Variants in CDK13 observed in about 807,000 individuals in gnomAD.
The protein encoded by CDK13 is cyclin-dependent kinase 13.
In CDK13, 40 loss-of-function variants were observed where a neutral mutation model predicts 137.6. The observed-to-expected ratio is 0.29, with a 90% CI of 0.23 to 0.38. The LOEUF is 0.38. Among genes scored for constraint, CDK13 ranks in the 10% least tolerant of loss-of-function variants. The pLI is 1.00. For missense variants in CDK13, 1,704 were observed against 1,951.8 expected, an observed-to-expected ratio of 0.87 and a Z score of 2.39; for synonymous variants, 869 against 760.1, an observed-to-expected ratio of 1.14 and a Z score of -2.36.
At chr7:40,089,359 G>C (rs1478032261) in intron 12 of CDK13, among the ~76,000 whole-genome samples, 2 of 149,488 alleles carry the variant, frequency 1.3e-5, no homozygotes, top group South Asian at 2.1e-4. Flanking sequence ...ATAATTGCTT[G>C]AACCCAGGAG....
chr7:40,079,536 T>C (rs1273370746), intron 11 of CDK13, among the ~76,000 whole-genome samples: 1 of 152,246 alleles, frequency 6.6e-6, no homozygotes, highest in Admixed American at 6.5e-5. Context: ...GCATTTTTCA[T>C]TTATTACATT....
At chr7:39,979,973 C>G (rs897501342) in intron 1 of CDK13, among the ~76,000 whole-genome samples, 1 of 152,148 alleles carries the variant, frequency 6.6e-6, no homozygotes, top group Non-Finnish European at 1.5e-5. Context: ...CCAAGAGACT[C>G]CAGAAGGAAC....
chr7:39,976,317 T>A (rs1196594890), intron 1 of CDK13, among the ~76,000 whole-genome samples: 284 of 63,736 alleles, frequency 4.5e-3, no homozygotes, highest in Non-Finnish European at 7.9e-3. Flanking sequence ...TCTCTCTCTC[T>A]CTCTCTCACA....
chr7:40,085,922 G>GA (rs1786776640), intron 11 of CDK13, among the ~76,000 whole-genome samples: 1 of 152,026 alleles, frequency 6.6e-6, no homozygotes, highest in East Asian at 1.9e-4. Flanking sequence ...CTAGAATGCT[G>GA]AAAATAACAT....
rs146525205 is a variant in CDK13, at chr7:39,958,270, G to C, written c.1211+6418G>C. 4.3e-3 allele frequency among the ~76,000 whole-genome samples: 649 copies of C among 152,176 alleles called. 4 individuals are homozygous for C. The highest frequency in any genetic ancestry group is 0.014 in the African/African-American group (599 of 41,534). On this transcript the variant is annotated intron_variant, in intron 1 of 13. Transcript: ENST00000181839. ...AGTTGCATAGGGGCACTTTCACTGG[G>C]ATATTTTATTGGCATTCCAAACTCA...
rs942391939 is a variant in CDK13 at position 40,060,356 on chromosome 7, T to G, written c.2601-2470T>G. On this transcript the variant is annotated intron_variant, in intron 7 of 13. Transcript: ENST00000181839. ...ATTTATATAAATTTAAACATTTCCT[T>G]GAGCCTAGTTATCCAGTTGCACTTT... 1.6e-4 allele frequency among the ~76,000 whole-genome samples: 24 copies of G among 152,358 alleles called. 1 individual carries two copies. In the South Asian group the frequency reaches 1.7e-3, roughly 11 times the overall value.
In CDK13 at chr7:40,093,222, A is replaced by G; in HGVS notation, c.3673A>G (p.Ser1225Gly). The change falls in exon 13 of 14, where the codon AGC (serine) becomes GGC (glycine). Residue 1225 changes from serine (S) to glycine (G), a missense_variant. Around this residue, in one of 5 missense-constraint regions of CDK13, gnomAD observed 475 missense variants for 579.3 expected, o/e 0.82. Transcript: ENST00000181839. The stretch of plus-strand genomic sequence containing the variant: ...ACAACTCAGGCCACCTCCAGAACCT[A>G]GCACTCCGGTGTCGGGTAAGTGTGC... ...SLQLRPPPEP[S>G]TPVSGQDDLI... 1 of 1,612,494 alleles carries G rather than the reference A, an allele frequency of 6.2e-7. No individual in the cohort carries two copies. Among genetic ancestry groups the G allele is most frequent in the Non-Finnish European group, 8.5e-7 (1 of 1,179,290 alleles).
chr7:40,003,844 A>G (rs938614662), intron 5 of CDK13, among the ~76,000 whole-genome samples: 1 of 152,204 alleles, frequency 6.6e-6, no homozygotes, highest in Non-Finnish European at 1.5e-5. Flanking sequence ...ACAATTTGAA[A>G]GGCTAATTTC....
At chr7:39,958,801 A>C (rs1383986757) in intron 1 of CDK13, among the ~76,000 whole-genome samples, 1 of 152,156 alleles carries the variant, frequency 6.6e-6, no homozygotes, top group African/African-American at 2.4e-5. Flanking sequence ...TTTTTGAGGC[A>C]AAGGTGGTAT....
intron 2 of CDK13, among the ~76,000 whole-genome samples, chr7:39,989,939 A>C (rs1423938841): frequency 1.8e-4 from 9 of 50,158 alleles, no homozygotes; most frequent in South Asian, 6.7e-4. Context: ...CCCGCCACCA[A>C]GCCCGGCTAA....
intron 5 of CDK13, among the ~76,000 whole-genome samples, chr7:40,036,925 CT>C (rs1437833617): frequency 5.3e-5 from 8 of 152,118 alleles, no homozygotes; most frequent in Non-Finnish European, 1.0e-4. Flanking sequence ...TTTTTTATAG[CT>C]GCTTTGTTTG....
At chr7:40,071,997 CAA>C (rs1392213521) in intron 9 of CDK13, 2 of 152,164 alleles carry the variant, frequency 1.3e-5, no homozygotes, top group Non-Finnish European at 2.9e-5. Context: ...CACATCTTCT[CAA>C]GATAACTATC....
rs946044370 is a variant in CDK13 at position 40,099,077 on chromosome 7, AC to A, written c.*4098del. Reference sequence around the variant, plus strand: ...TTGATTTGGAACTTTAAAAAAAAAAACAACAAAAAAATACTTTCAGGGTTTT... The same window carrying A: ...TTGATTTGGAACTTTAAAAAAAAAAAAACAAAAAAATACTTTCAGGGTTTT... On this transcript the variant is annotated 3_prime_UTR_variant, in exon 14 of 14. Transcript: ENST00000181839. The A allele has an allele frequency of 2.4e-4, 37 of 151,768 alleles. No individual in the cohort carries two copies. Among genetic ancestry groups the A allele is most frequent in the Admixed American group, 7.2e-4 (11 of 15,224 alleles). 9.4% of individuals were successfully genotyped at this position (151,768 alleles called of 1,614,324 possible).
intron 1 of CDK13, among the ~76,000 whole-genome samples, chr7:39,976,644 ATATAC>A (rs1280422556): frequency 6.6e-6 from 1 of 152,078 alleles, no homozygotes; most frequent in Non-Finnish European, 1.5e-5. Context: ...TCCACTCTAA[ATATAC>A]TATGTTTTTT....
At chr7:40,035,991 C>T (rs192201831) in intron 5 of CDK13, among the ~76,000 whole-genome samples, 90 of 151,822 alleles carry the variant, frequency 5.9e-4, no homozygotes, top group Middle Eastern at 3.5e-3. Flanking sequence ...AGTAAGACCT[C>T]GTCTCTATAA....
In CDK13 at chr7:39,986,293, T is replaced by A. The variant is rs548465143; in HGVS notation, c.1212-1306T>A. ...TTAAAAGTCTTGGTAATGCATGGAT[T>A]TGAAAACCTCAGCTTCCTTTCACTT... On this transcript the variant is annotated intron_variant, in intron 1 of 13. Transcript: ENST00000181839. 3 of 152,246 alleles carry A rather than the reference T, an allele frequency of 2.0e-5. No individual in the cohort carries two copies. The East Asian group carries it at 5.8e-4, about 29-fold the overall frequency. The allele number at this position is 152,246 out of a possible 1,614,324, so 9.4% of individuals were successfully genotyped here. A position where few individuals can be genotyped will look rare whatever the true frequency, so the allele number is the denominator to read the frequency against.
chr7:39,968,504 C>G (rs988932482), intron 1 of CDK13, among the ~76,000 whole-genome samples: 2 of 152,208 alleles, frequency 1.3e-5, no homozygotes, highest in South Asian at 4.1e-4. Context: ...TCTGCAGTAG[C>G]TGGGACTACA....
intron 5 of CDK13, among the ~76,000 whole-genome samples, chr7:40,026,082 C>T (rs560844001): frequency 6.6e-6 from 1 of 152,320 alleles, no homozygotes; most frequent in South Asian, 2.1e-4. Context: ...CTCAAAAGCA[C>T]TAGTGGCATC....
chr7:39,999,934 A>G (rs1030829284), intron 4 of CDK13, among the ~76,000 whole-genome samples: 2 of 152,178 alleles, frequency 1.3e-5, no homozygotes, highest in African/African-American at 4.8e-5. Flanking sequence ...TTAGCAGCTT[A>G]ATCTTTCAGA....
Sources: allele counts gnomAD v4.1 joint callset (sites outside exome capture counted in the v4.1 genomes callset), GRCh38; gene constraint gnomAD v4.1.1; regional missense constraint gnomAD v4.1.1; transcripts MANE v1.5; gene names NCBI Gene and HGNC (gene_info 2026-07-23, HGNC 2026-07-21).